SNAPC5: variants seen among roughly 807,000 people sequenced by gnomAD.
The protein encoded by SNAPC5 is small nuclear RNA activating complex polypeptide 5.
In SNAPC5, 12 loss-of-function variants were observed where a neutral mutation model predicts 9.1. That is an observed-to-expected ratio of 1.32 (90% CI 0.85 to 2.15). SNAPC5 has a LOEUF of 2.15. Ranked by LOEUF, SNAPC5 falls within the 30% of genes most tolerant of loss-of-function variation. The probability of loss-of-function intolerance (pLI) is 0.00; values close to 1 mark genes in which losing one functional copy is unlikely to be tolerated. For missense variants in SNAPC5, 132 were observed against 114.4 expected, an observed-to-expected ratio of 1.15 and a Z score of -0.70; for synonymous variants, 52 against 47.3, an observed-to-expected ratio of 1.10 and a Z score of -0.41.
chr15:66,491,932 C>T, downstream of SNAPC5: 1 of 455,566 alleles, frequency 2.2e-6, no homozygotes, highest in Non-Finnish European at 4.4e-6. Context: ...AATAGTTGAG[C>T]TGAGGGCCTG....
downstream of SNAPC5, chr15:66,491,936 G>A (rs1008699241): frequency 1.8e-5 from 8 of 455,772 alleles, no homozygotes; most frequent in Non-Finnish European, 3.5e-5. Flanking sequence ...GTTGAGCTGA[G>A]GGCCTGCCTG....
In SNAPC5 at chr15:66,493,875, G is replaced by A. The variant is rs952234360; in HGVS notation, c.*561C>T. The A allele has an allele frequency of 3.9e-5, 6 of 152,246 alleles. No individual in the cohort carries two copies. The highest frequency in any genetic ancestry group is 1.4e-4 in the African/African-American group (6 of 41,432). The allele number at this position is 152,246 out of a possible 1,614,324, so 9.4% of individuals were successfully genotyped here. A position where few individuals can be genotyped will look rare whatever the true frequency, so the allele number is the denominator to read the frequency against. On this transcript the variant is annotated 3_prime_UTR_variant, in exon 3 of 3. Coordinates refer to ENST00000316634, the MANE Select transcript of SNAPC5 (RefSeq NM_001329615.2). ...TTTACCAGTGAGTGATGTCTCAAGT[G>A]AGAGGTGGTAACAGATACACAAAGC... is the stretch of plus-strand genomic sequence containing the variant.
intron 1 of SNAPC5, among the ~76,000 whole-genome samples, chr15:66,496,190 G>C (rs568270170): frequency 2.0e-4 from 30 of 152,318 alleles, no homozygotes; most frequent in African/African-American, 6.7e-4. Flanking sequence ...AAAGGGCCGA[G>C]CCCAGTGGCT....
In SNAPC5 at chr15:66,494,544, C is replaced by T; in HGVS notation, c.189G>A (p.Val63=). ...TGATTGATGCTTCATTGTCTACATG[C>T]ACCAACATCTGTATTGGCCAAGGGC... ...TVPEQSHDML[V]HVDNEASINQ... The change falls in exon 3 of 3, where the codon GTG becomes GTA. Residue 63 remains valine (V), a synonymous_variant. Coordinates refer to ENST00000316634, the MANE Select transcript of SNAPC5 (RefSeq NM_001329615.2). 6.2e-7 allele frequency: 1 copy of T among 1,612,574 alleles called. No homozygotes were observed. The highest frequency in any genetic ancestry group is 8.5e-7 in the Non-Finnish European group (1 of 1,178,698).
chr15:66,490,854 G>A (rs1893233720), downstream of SNAPC5: 1 of 577,970 alleles, frequency 1.7e-6, no homozygotes, highest in Admixed American at 2.6e-5. Context: ...TTGTGTGTAT[G>A]CTGATGATCA....
At chr15:66,492,461 T>C (rs1893286582), downstream of SNAPC5, 4 of 154,414 alleles carry the variant, frequency 2.6e-5, no homozygotes, top group South Asian at 5.9e-4. Flanking sequence ...CTGTGAAGTA[T>C]AGCTTTTCTA....
downstream of SNAPC5, chr15:66,491,380 A>C (rs1388614239): frequency 4.3e-6 from 1 of 232,202 alleles, no homozygotes; most frequent in African/African-American, 2.2e-5. Flanking sequence ...AAAATGTCGG[A>C]TTTATCTTTC....
At position 66,495,278 on chromosome 15, in the gene SNAPC5, G is replaced by A. The variant is rs1002599699; in HGVS notation, c.180+52C>T. 4 of 1,029,728 alleles carry A rather than the reference G, an allele frequency of 3.9e-6. No homozygotes were observed. The African/African-American group carries it at 4.7e-5, about 12-fold the overall frequency. 63.8% of individuals were successfully genotyped at this position (1,029,728 alleles called of 1,614,324 possible). On this transcript the variant is annotated intron_variant, in intron 2 of 2. Coordinates refer to ENST00000316634, the MANE Select transcript of SNAPC5 (RefSeq NM_001329615.2). ...GTTCTTCACCACCCAAGCAGCATGG[G>A]AGCAGAGCAGACTTTGCATTCTCTC...
chr15:66,490,160 G>C (rs1595889132), downstream of SNAPC5: 1 of 508,428 alleles, frequency 2.0e-6, no homozygotes, highest in East Asian at 3.6e-5. Flanking sequence ...TAAATATCTG[G>C]ACAGCCATAG....
In SNAPC5 at chr15:66,497,704, T is replaced by C. The variant is rs754366517; in HGVS notation, c.28A>G (p.Lys10Glu). Reference sequence around the variant, plus strand: ...AACCGCAGCAGCGTCTCCTCCTCCTTGCGCAGTTCCTGAAGCCGGCTCAGC... The same window carrying C: ...AACCGCAGCAGCGTCTCCTCCTCCTCGCGCAGTTCCTGAAGCCGGCTCAGC... MLSRLQELR[K>E]EEETLLRLKA... The change falls in exon 1 of 3, where the codon AAG becomes GAG. Residue 10 changes from lysine to glutamate, a missense_variant. Transcript: ENST00000316634. 9.9e-6 allele frequency: 16 copies of C among 1,613,642 alleles called. No homozygotes were observed. The highest frequency in any genetic ancestry group is 5.0e-5 in the Admixed American group (3 of 60,010).
chr15:66,495,319 ATTAAGCTT>A lies in SNAPC5; in HGVS notation c.180+3_180+10del. On this transcript the variant is annotated splice_donor_5th_base_variant and intron_variant, in intron 2 of 2. Coordinates refer to ENST00000316634, the MANE Select transcript of SNAPC5 (RefSeq NM_001329615.2). ...GCATTCTCTCCTAGGCCTGCACTTGATTAAGCTTACATCATGTGACTGTTCAGGTACAG... is the reference window on the plus strand; with the variant it reads ...GCATTCTCTCCTAGGCCTGCACTTGAACATCATGTGACTGTTCAGGTACAG... 1 of 1,507,552 alleles carries A rather than the reference ATTAAGCTT, an allele frequency of 6.6e-7. No homozygotes were observed. The highest frequency in any genetic ancestry group is 1.1e-5 in the South Asian group (1 of 88,940). The allele number at this position is 1,507,552 out of a possible 1,614,324, so 93.4% of individuals were successfully genotyped here.
At chr15:66,489,973 A>T (rs915328048), downstream of SNAPC5, 2 of 629,138 alleles carry the variant, frequency 3.2e-6, no homozygotes, top group Non-Finnish European at 5.7e-6. Flanking sequence ...CTGAGTAAGC[A>T]TATGCCAGAG....
At chr15:66,495,469 C>G (rs1324322822) in intron 1 of SNAPC5, 50 bp from the exon 2 acceptor site, 1 of 998,496 alleles carries the variant, frequency 1.0e-6, no homozygotes, top group African/African-American at 1.6e-5. Context: ...CACTGGACTA[C>G]TGATGTGGGT....
downstream of SNAPC5, among the ~76,000 whole-genome samples, chr15:66,492,828 A>G (rs528312246): frequency 3.3e-5 from 5 of 152,312 alleles, no homozygotes; most frequent in African/African-American, 1.2e-4. Context: ...CCTCATAGCA[A>G]CCTGTGAAAC....
chr15:66,493,158 T>G (rs1893312392), downstream of SNAPC5, among the ~76,000 whole-genome samples: 1 of 152,228 alleles, frequency 6.6e-6, no homozygotes, highest in South Asian at 2.1e-4. Context: ...CTTTGGGAAC[T>G]GTTACATAAG....
chr15:66,495,515 G>A (rs1893398760), intron 1 of SNAPC5, 96 bp from the exon 2 acceptor site: 1 of 732,990 alleles, frequency 1.4e-6, no homozygotes, highest in South Asian at 1.5e-5. Context: ...TTTGCATCAA[G>A]AGAGGGAATG....
At chr15:66,489,972 C>T, downstream of SNAPC5, 1 of 629,216 alleles carries the variant, frequency 1.6e-6, no homozygotes, top group Non-Finnish European at 2.8e-6. Flanking sequence ...CCTGAGTAAG[C>T]ATATGCCAGA....
downstream of SNAPC5, chr15:66,491,121 TTTA>T (rs1219938891): frequency 4.5e-5 from 13 of 290,596 alleles, no homozygotes; most frequent in East Asian, 2.6e-4. Flanking sequence ...ATCATGTTAT[TTTA>T]TTATTATTAT....
rs931954865 is a variant in SNAPC5 at position 66,493,887 on chromosome 15, C to A, written c.*549G>T. ...TGATGTCTCAAGTGAGAGGTGGTAA[C>A]AGATACACAAAGCAGTTTATAGCAT... is the stretch of plus-strand genomic sequence containing the variant. On this transcript the variant is annotated 3_prime_UTR_variant, in exon 3 of 3. Coordinates refer to ENST00000316634, the MANE Select transcript of SNAPC5 (RefSeq NM_001329615.2). The A allele has an allele frequency of 6.6e-6, 1 of 152,326 alleles. No homozygotes were observed. Among genetic ancestry groups the A allele is most frequent in the African/African-American group, 2.4e-5 (1 of 41,422 alleles). The allele number at this position is 152,326 out of a possible 1,614,324, so 9.4% of individuals were successfully genotyped here. A position where few individuals can be genotyped will look rare whatever the true frequency, so the allele number is the denominator to read the frequency against.
Sources: allele counts gnomAD v4.1 joint callset (sites outside exome capture counted in the v4.1 genomes callset), GRCh38; gene constraint gnomAD v4.1.1; transcripts MANE v1.5; gene names NCBI Gene and HGNC (gene_info 2026-07-23, HGNC 2026-07-21).